The following VPS8 variants were observed in gnomAD, a reference collection of about 807,000 sequenced individuals.
VPS8 encodes the protein VPS8 subunit of CORVET complex, also known as vacuolar protein sorting-associated protein 8 homolog.
Under a neutral mutation model 216.4 loss-of-function variants are expected in VPS8, and 129 were observed. The ratio of observed to expected loss-of-function variants is 0.60; its 90% confidence interval spans 0.52 to 0.69. The LOEUF (loss-of-function observed/expected upper bound fraction) is 0.69. Among genes scored for constraint, VPS8 ranks in the 30% least tolerant of loss-of-function variants. The probability of loss-of-function intolerance (pLI) is 0.00; values close to 1 mark genes in which losing one functional copy is unlikely to be tolerated. For synonymous variants in VPS8, 571 were observed against 565.4 expected (o/e 1.01, Z -0.14); for missense variants, 1,531 against 1,683.5 (o/e 0.91, Z 1.59).
intron 22 of VPS8, among the ~76,000 whole-genome samples, chr3:184,889,151 C>T (rs1250509911): frequency 6.6e-6 from 1 of 152,162 alleles, no homozygotes; most frequent in Non-Finnish European, 1.5e-5. Flanking sequence ...TATTGAACCA[C>T]AGCATATAAC....
chr3:184,974,081 G>A (rs1048648337), intron 40 of VPS8, among the ~76,000 whole-genome samples: 3 of 152,088 alleles, frequency 2.0e-5, no homozygotes, highest in Admixed American at 1.3e-4. Context: ...TAGGATTGCT[G>A]AATTATATTG....
intron 46 of VPS8, among the ~76,000 whole-genome samples, chr3:185,040,754 A>T (rs1286317378): frequency 6.6e-6 from 1 of 152,208 alleles, no homozygotes; most frequent in East Asian, 1.9e-4. Context: ...GATTCTGTTC[A>T]CATGTGCTAT....
At chr3:185,019,124 GC>G (rs1244978037) in intron 45 of VPS8, among the ~76,000 whole-genome samples, 11 of 152,106 alleles carry the variant, frequency 7.2e-5, no homozygotes, top group Non-Finnish European at 1.2e-4. Context: ...ACAAACCAGA[GC>G]CCACACTTGT....
At chr3:184,971,829 C>T (rs1427356164) in intron 40 of VPS8, 77 bp downstream of exon 40, 136 of 1,205,822 alleles carry the variant, frequency 1.1e-4, no homozygotes, top group Non-Finnish European at 2.3e-5. Context: ...AATCCCAGCA[C>T]TTTGGGAGGC....
Position 184,826,174 on chromosome 3 carries a change from G to T in VPS8, c.165G>T (p.Lys55Asn). Residue 55 changes from lysine (K) to asparagine (N), a missense_variant, in exon 3 of 48, where the codon AAG becomes AAT. Lys to Asn is a moderately conservative substitution (Grantham distance 94, BLOSUM62 0). This residue lies in a region of VPS8 where 199 missense variants were observed against 182.2 expected (regional missense o/e 1.09). Transcript: ENST00000625842. Reference protein sequence around the residue: ...LEFKNDLIDDKEFDIPQVDTP... With the variant: ...LEFKNDLIDDNEFDIPQVDTP... ...TTTTCTTTATTTAGATTGATGACAA[G>T]GAGTTTGATATTCCTCAAGTTGATA... The T allele has an allele frequency of 1.2e-6, 2 of 1,608,028 alleles. No individual in the cohort carries two copies. Among genetic ancestry groups the T allele is most frequent in the Non-Finnish European group, 1.7e-6 (2 of 1,177,178 alleles).
chr3:184,987,785 T>G (rs1004149329), intron 42 of VPS8, among the ~76,000 whole-genome samples: 1 of 152,244 alleles, frequency 6.6e-6, no homozygotes, highest in African/African-American at 2.4e-5. Context: ...AGACTATGCT[T>G]ACTTTTGTAA....
At chr3:184,960,009 C>A (rs1746241576) in intron 37 of VPS8, among the ~76,000 whole-genome samples, 1 of 151,608 alleles carries the variant, frequency 6.6e-6, no homozygotes, top group Admixed American at 6.6e-5. Flanking sequence ...CCACAACAGA[C>A]CCCGGTGTGT....
intron 14 of VPS8, among the ~76,000 whole-genome samples, chr3:184,856,630 A>G (rs551424370): frequency 6.6e-6 from 1 of 152,080 alleles, no homozygotes; most frequent in South Asian, 2.1e-4. Context: ...ACCTCCAAAA[A>G]TCTCTTGAAT....
chr3:184,916,428 A>G (rs1737613215), intron 28 of VPS8, among the ~76,000 whole-genome samples: 1 of 152,220 alleles, frequency 6.6e-6, no homozygotes, highest in African/African-American at 2.4e-5. Context: ...GACAGGACGG[A>G]AATACACCTA....
chr3:184,983,796 A>G lies in VPS8; in HGVS notation c.3585+702A>G, dbSNP rs78234017. Among the ~76,000 whole-genome samples the G allele has an allele frequency of 1.4e-3, 139 of 98,982 alleles. 2 individuals carry two copies. In the East Asian group the frequency reaches 0.046, roughly 33 times the overall value. The allele number at this position is 98,982 out of a possible 152,430, so 64.9% of individuals were successfully genotyped here. ...CATGCACCCCGCCCCCCTCCCACACACATACAAAGCAAACCGTAATATGAT... is the reference window on the plus strand; with the variant it reads ...CATGCACCCCGCCCCCCTCCCACACGCATACAAAGCAAACCGTAATATGAT... On this transcript the variant is annotated intron_variant, in intron 42 of 47. Transcript: ENST00000625842.
chr3:185,030,192 G>A (rs1211451295), intron 46 of VPS8, among the ~76,000 whole-genome samples: 2 of 152,192 alleles, frequency 1.3e-5, no homozygotes, highest in Non-Finnish European at 1.5e-5. Context: ...TACATCAGGA[G>A]AGTTAGTTGG....
chr3:184,836,119 A>G (rs1331733808), intron 5 of VPS8: 4 of 364,638 alleles, frequency 1.1e-5, no homozygotes, highest in African/African-American at 2.1e-5. Context: ...AATAACAACA[A>G]CAACAACAAA....
chr3:184,912,273 CAT>C (rs1487462102), intron 25 of VPS8, among the ~76,000 whole-genome samples: 1 of 152,110 alleles, frequency 6.6e-6, no homozygotes, highest in Non-Finnish European at 1.5e-5. Context: ...GTAAAGTAAA[CAT>C]AGAATAGAGG....
intron 1 of VPS8, among the ~76,000 whole-genome samples, chr3:184,819,414 T>C (rs570695951): frequency 6.6e-6 from 1 of 152,306 alleles, no homozygotes; most frequent in African/African-American, 2.4e-5. Context: ...CACATGATGG[T>C]TGGGTGAAGA....
chr3:184,825,750 A>G (rs75652746), intron 2 of VPS8, among the ~76,000 whole-genome samples: 3,596 of 152,134 alleles, frequency 0.024, 131 homozygotes, highest in African/African-American at 0.082. Flanking sequence ...AAAATACAAA[A>G]AAGATTAGCT....
chr3:184,982,459 A>T, intron 40 of VPS8, 107 bp from the exon 41 acceptor site: 1 of 682,368 alleles, frequency 1.5e-6, no homozygotes, highest in Non-Finnish European at 2.5e-6. Flanking sequence ...GTATGTGAGA[A>T]GTACGTTTCA....
At chr3:184,822,954 C>T (rs1370126133) in intron 1 of VPS8, among the ~76,000 whole-genome samples, 6 of 152,022 alleles carry the variant, frequency 3.9e-5, no homozygotes, top group Non-Finnish European at 7.4e-5. Context: ...TTTTCTGTAA[C>T]GTGAAAGAAA....
At chr3:184,868,882 T>C in intron 18 of VPS8, 64 bp from the exon 19 acceptor site, 10 of 1,437,612 alleles carry the variant, frequency 7.0e-6, no homozygotes, top group East Asian at 2.4e-5. Flanking sequence ...TTAGGTGGAA[T>C]AGGAATTCTG....
chr3:184,854,575 G>T (rs1724896801), intron 13 of VPS8, among the ~76,000 whole-genome samples: 1 of 152,106 alleles, frequency 6.6e-6, no homozygotes, highest in African/African-American at 2.4e-5. Flanking sequence ...TCCCTTATCA[G>T]ATTTAAAGTT....
Sources: allele counts gnomAD v4.1 joint callset (sites outside exome capture counted in the v4.1 genomes callset), GRCh38; gene constraint gnomAD v4.1.1; regional missense constraint gnomAD v4.1.1; transcripts MANE v1.5; gene names NCBI Gene and HGNC (gene_info 2026-07-23, HGNC 2026-07-21).